The following CP variants were observed in gnomAD, a reference collection of about 807,000 sequenced individuals.
The protein encoded by CP is caeruloplasmin.
In CP, 64 loss-of-function variants were observed where a neutral mutation model predicts 122.4. The ratio of observed to expected loss-of-function variants is 0.52; its 90% CI spans 0.43 to 0.64. CP has a LOEUF of 0.64. CP is among the 30% of genes least tolerant of loss of function. The pLI is 0.00. For missense variants in CP, 1,167 were observed against 1,284.4 expected (o/e 0.91, Z 1.40); for synonymous variants, 440 against 436.4 (o/e 1.01, Z -0.10).
intron 6 of CP, among the ~76,000 whole-genome samples, chr3:149,205,188 T>TAA (rs1245771385): frequency 2.8e-5 from 4 of 141,006 alleles, no homozygotes; most frequent in African/African-American, 7.8e-5. Flanking sequence ...TGGTTATTAT[T>TAA]AAAAAAAAAA....
intron 5 of CP, among the ~76,000 whole-genome samples, chr3:149,165,083 A>G (rs34736153): frequency 6.6e-6 from 1 of 152,138 alleles, no homozygotes; most frequent in Non-Finnish European, 1.5e-5. Context: ...ATAACCAAAG[A>G]AGATTCTTCT....
intron 1 of CP, 119 bp from the exon 2 acceptor site, chr3:149,212,817 G>T: frequency 7.9e-7 from 1 of 1,263,876 alleles, no homozygotes; most frequent in Non-Finnish European, 1.1e-6. Context: ...TTGAATGTTT[G>T]CCTGTTGTAG....
chr3:149,181,973 T>TGGGGGGGGGGGGGGGGGGGGGGGGGGGG, intron 14 of CP, 32 bp downstream of exon 14: 1 of 1,375,572 alleles, frequency 7.3e-7, no homozygotes, highest in Non-Finnish European at 1.0e-6. Flanking sequence ...CCTGTTAAAA[T>TGGGGGGGGGGGGGGGGGGGGGGGGGGGG]GCACCACCCC....
At chr3:149,172,272 A>T (rs1407893675), downstream of CP, 1 of 1,542,906 alleles carries the variant, frequency 6.5e-7, no homozygotes, top group Non-Finnish European at 8.9e-7. Flanking sequence ...GAATTTCTAA[A>T]AATTGAATGC....
chr3:149,202,260 G>C lies in CP; in HGVS notation c.1209-19C>G. 6.2e-7 allele frequency: 1 copy of C among 1,614,066 alleles called. No individual in the cohort carries two copies. The highest frequency in any genetic ancestry group is 8.5e-7 in the Non-Finnish European group (1 of 1,179,980). The stretch of plus-strand genomic sequence containing the variant: ...TGAGTCACTGCAGGGGGAAAAAAGT[G>C]TTTAATGCTGGGGTTGAAGTAGAAC... On this transcript the variant is annotated intron_variant, in intron 6 of 18. Coordinates refer to ENST00000264613, the MANE Select transcript of CP (RefSeq NM_000096.4).
In CP at chr3:149,207,511, T is replaced by A. The variant is rs1490203484; in HGVS notation, c.888A>T (p.Ala296=). 1 of 1,614,032 alleles carries A rather than the reference T, an allele frequency of 6.2e-7. No homozygotes were observed. The highest frequency in any genetic ancestry group is 8.5e-7 in the Non-Finnish European group (1 of 1,179,894). ...TCAGTGCTTGCCCGTGAAAGAAAGC[T>A]GCGTGCACATCAACTTCATTACCCA... is the stretch of plus-strand genomic sequence containing the variant. ...FGMGNEVDVH[A]AFFHGQALTN... The change falls in exon 5 of 19, where the codon GCA becomes GCT. Residue 296 remains alanine, a synonymous_variant. Coordinates refer to ENST00000264613, the MANE Select transcript of CP (RefSeq NM_000096.4).
chr3:149,205,876 G>A (rs1328136745), intron 6 of CP, among the ~76,000 whole-genome samples: 1 of 152,140 alleles, frequency 6.6e-6, no homozygotes, highest in Non-Finnish European at 1.5e-5. Flanking sequence ...ATCGTACAGT[G>A]CCACGTTTTC....
chr3:149,183,641 T>G (rs1161454101), intron 12 of CP, 36 bp from the exon 13 acceptor site: 1 of 1,423,472 alleles, frequency 7.0e-7, no homozygotes, highest in African/African-American at 1.5e-5. Context: ...AGTATTTGTC[T>G]TAATGAAAAT....
At chr3:149,171,160 C>T (rs1724948270), downstream of CP, among the ~76,000 whole-genome samples, 1 of 152,126 alleles carries the variant, frequency 6.6e-6, no homozygotes, top group South Asian at 2.1e-4. Flanking sequence ...CACCTGTAGT[C>T]CCAGCTATTT....
At position 149,179,624 on chromosome 3, in the gene CP, A is replaced by G. The variant is rs758596793; in HGVS notation, c.2593T>C (p.Ser865Pro). The G allele has an allele frequency of 8.7e-6, 14 of 1,613,644 alleles. No individual in the cohort carries two copies. Among genetic ancestry groups the G allele is most frequent in the Non-Finnish European group, 1.2e-5 (14 of 1,179,876 alleles). ...LTYVWKIPER[S>P]GAGTEDSACI... ...GCAGAATCCTCTGTTCCAGCTCCAG[A>G]TCTTTCTGGGATTTTCCATACGTAA... Residue 865 changes from serine to proline, a missense_variant, in exon 15 of 19, where the codon TCT becomes CCT. This residue lies in a region of CP where 525 missense variants were observed against 657.2 expected (regional missense o/e 0.80). Coordinates refer to ENST00000264613, the MANE Select transcript of CP (RefSeq NM_000096.4).
rs373901837 is a variant in CP at position 149,186,495 on chromosome 3, G to T, written c.2077+25C>A. 5.0e-4 allele frequency: 799 copies of T among 1,605,526 alleles called. 10 individuals carry two copies. In the South Asian group the frequency reaches 8.3e-3, roughly 17 times the overall value. ...CAAAACTACACAAATCCATCCAATA[G>T]AGACTTGGCTTTAAGTAAATATACC... On this transcript the variant is annotated intron_variant, in intron 11 of 18. Coordinates refer to ENST00000264613, the MANE Select transcript of CP (RefSeq NM_000096.4).
chr3:149,176,010 T>G (rs1725393168), intron 18 of CP: 1 of 523,448 alleles, frequency 1.9e-6, no homozygotes, highest in Non-Finnish European at 3.4e-6. Flanking sequence ...ATTACACATT[T>G]GTATTAACTT....
Position 149,178,732 on chromosome 3 carries a change from A to G in CP, c.2662-101T>C, listed in dbSNP as rs932227108. 185 of 826,880 alleles carry G rather than the reference A, an allele frequency of 2.2e-4. 3 individuals carry two copies. The highest frequency in any genetic ancestry group is 1.7e-3 in the South Asian group (114 of 66,838). 51.2% of individuals were successfully genotyped at this position (826,880 alleles called of 1,614,324 possible). ...GGCCTCAGGAATTTTGGAGAGACCA[A>G]TTGAAGTAACAGACTTTGCCCAATG... On this transcript the variant is annotated intron_variant, in intron 15 of 18. Coordinates refer to ENST00000264613, the MANE Select transcript of CP (RefSeq NM_000096.4).
chr3:149,206,299 C>T lies in CP; in HGVS notation c.1077G>A (p.Lys359=). 6.2e-7 allele frequency: 1 copy of T among 1,613,966 alleles called. No individual in the cohort carries two copies. The highest frequency in any genetic ancestry group is 1.3e-5 in the African/African-American group (1 of 75,016). The change falls in exon 6 of 19, where the codon AAG becomes AAA. Residue 359 remains lysine, a synonymous_variant. Coordinates refer to ENST00000264613, the MANE Select transcript of CP (RefSeq NM_000096.4). ...CACGGATATTATCCTTTGATGAAGACTTGTTACACTCCTGGACCTGGAAAA... is the reference window on the plus strand; with the variant it reads ...CACGGATATTATCCTTTGATGAAGATTTGTTACACTCCTGGACCTGGAAAA... ...QAFFQVQECN[K]SSSKDNIRGK...
At chr3:149,210,484 C>G in intron 2 of CP, 105 bp from the exon 3 acceptor site, 1 of 978,872 alleles carries the variant, frequency 1.0e-6, no homozygotes, top group Non-Finnish European at 1.6e-6. Context: ...TAAACATCTA[C>G]TATGTGATCC....
At chr3:149,196,997 G>A (rs1262466867) in intron 9 of CP, among the ~76,000 whole-genome samples, 1 of 152,106 alleles carries the variant, frequency 6.6e-6, no homozygotes, top group Non-Finnish European at 1.5e-5. Context: ...ACATTACCTT[G>A]TGAAAGTCCT....
intron 9 of CP, among the ~76,000 whole-genome samples, chr3:149,189,076 A>C (rs1726372932): frequency 6.6e-6 from 1 of 152,232 alleles, no homozygotes; most frequent in South Asian, 2.1e-4. Flanking sequence ...CATTGTAATA[A>C]TTTTAGAAAG....
At chr3:149,213,409 G>A (rs1031320211) in intron 1 of CP, among the ~76,000 whole-genome samples, 2 of 152,156 alleles carry the variant, frequency 1.3e-5, no homozygotes, top group Non-Finnish European at 2.9e-5. Flanking sequence ...TATCAGTGAG[G>A]TAAATAGCAA....
Position 149,210,829 on chromosome 3 carries a change from T to C in CP, c.395-450A>G, listed in dbSNP as rs371473608. ...AAAATGCTGAACCTCTGTGTACCCA[T>C]CAAACCAGCTTTAACAATGATCGAC... On this transcript the variant is annotated intron_variant, in intron 2 of 18. Transcript: ENST00000264613. Among the ~76,000 whole-genome samples the C allele has an allele frequency of 2.2e-4, 34 of 152,304 alleles. No homozygotes were observed. The South Asian group carries it at 7.1e-3, about 32-fold the overall frequency.
Sources: gnomAD v4.1 joint callset for allele counts (sites outside exome capture counted in the v4.1 genomes callset) on GRCh38, gnomAD v4.1.1 for gene constraint, gnomAD v4.1.1 regional missense constraint, MANE v1.5 for transcripts, NCBI Gene and HGNC (gene_info 2026-07-23, HGNC 2026-07-21) for gene names.